GABRA2: variants seen among roughly 807,000 people sequenced by gnomAD.
The protein encoded by GABRA2 is gamma-aminobutyric acid type A receptor subunit alpha2.
Under a neutral mutation model 48.7 loss-of-function variants are expected in GABRA2, and 16 were observed. That is an observed-to-expected ratio of 0.33 (90% CI 0.22 to 0.50). The LOEUF is 0.50. GABRA2 is among the 20% of genes least tolerant of loss of function. The probability of loss-of-function intolerance (pLI) is 0.98; values close to 1 mark genes in which losing one functional copy is unlikely to be tolerated. For missense variants in GABRA2, 275 were observed against 535.6 expected (o/e 0.51, Z 4.80); for synonymous variants, 185 against 184.5 (o/e 1.00, Z -0.02).
intron 3 of GABRA2, among the ~76,000 whole-genome samples, chr4:46,377,875 G>A (rs1182540589): frequency 6.8e-5 from 10 of 148,096 alleles, no homozygotes; most frequent in South Asian, 6.5e-4. Flanking sequence ...TCAGCCCCCC[G>A]CCCAGCTAGC....
At position 46,247,767 on chromosome 4, in the gene GABRA2, A is replaced by T. The variant is rs570715692; in HGVS notation, c.*2541T>A. On this transcript the variant is annotated 3_prime_UTR_variant, in exon 10 of 10. Coordinates refer to ENST00000381620, the MANE Select transcript of GABRA2 (RefSeq NM_000807.4). ...ATGGAAAGGATTATAATTGTTACGAATCTTGTTCTATAATTTAAAAGCAAT... is the reference window on the plus strand; with the variant it reads ...ATGGAAAGGATTATAATTGTTACGATTCTTGTTCTATAATTTAAAAGCAAT... Among the ~76,000 whole-genome samples the T allele has an allele frequency of 5.9e-5, 9 of 151,426 alleles. No homozygotes were observed. The South Asian group carries it at 1.9e-3, about 31-fold the overall frequency.
Position 46,390,089 on chromosome 4 carries a change from G to A in GABRA2, c.-365C>T. The A allele has an allele frequency of 1.0e-6, 1 of 960,636 alleles. No individual in the cohort carries two copies. 59.5% of individuals were successfully genotyped at this position (960,636 alleles called of 1,614,324 possible). A position where few individuals can be genotyped will look rare whatever the true frequency, so the allele number is the denominator to read the frequency against. ...AAATTGGGGGGACGCGGGCGGAGGCGCGGTGCGCGCCGGCGGTGGCGGGCA... is the reference window on the plus strand; with the variant it reads ...AAATTGGGGGGACGCGGGCGGAGGCACGGTGCGCGCCGGCGGTGGCGGGCA... On this transcript the variant is annotated 5_prime_UTR_variant, in exon 1 of 10. Transcript: ENST00000381620.
chr4:46,321,044 C>T (rs1352415372), intron 4 of GABRA2, among the ~76,000 whole-genome samples: 5 of 151,790 alleles, frequency 3.3e-5, no homozygotes, highest in Admixed American at 2.0e-4. Context: ...TTCTATTCAG[C>T]CTTAGAAAAG....
At chr4:46,262,797 C>A (rs1009173801) in intron 8 of GABRA2, among the ~76,000 whole-genome samples, 3 of 151,798 alleles carry the variant, frequency 2.0e-5, no homozygotes, top group Non-Finnish European at 2.9e-5. Context: ...ACTTGGGAGG[C>A]TGAGGCAGGG....
intron 3 of GABRA2, among the ~76,000 whole-genome samples, chr4:46,362,263 T>A (rs1190090958): frequency 6.6e-6 from 1 of 152,142 alleles, no homozygotes; most frequent in Non-Finnish European, 1.5e-5. Context: ...TGAATAAGTC[T>A]CATGAGATCT....
chr4:46,338,833 T>C (rs1429341099), intron 3 of GABRA2, among the ~76,000 whole-genome samples: 1 of 151,914 alleles, frequency 6.6e-6, no homozygotes, highest in Non-Finnish European at 1.5e-5. Flanking sequence ...ACTATTTTCT[T>C]GGAGTTTGAG....
chr4:46,299,675 CTTTT>C (rs200453930), intron 8 of GABRA2, among the ~76,000 whole-genome samples: 2,443 of 139,420 alleles, frequency 0.018, 61 homozygotes, highest in African/African-American at 0.057. Flanking sequence ...GGGTTTCTTT[CTTTT>C]TTTTTTTTTT....
intron 4 of GABRA2, among the ~76,000 whole-genome samples, chr4:46,320,994 T>A (rs892783515): frequency 6.6e-6 from 1 of 151,954 alleles, no homozygotes; most frequent in Non-Finnish European, 1.5e-5. Flanking sequence ...CGTCAATGCA[T>A]GAATAAATTA....
intron 3 of GABRA2, chr4:46,365,181 C>T (rs1202485147): frequency 6.6e-6 from 1 of 152,118 alleles, no homozygotes; most frequent in Non-Finnish European, 1.5e-5. Flanking sequence ...CAGGTTTTCT[C>T]AGAAACACCT....
intron 4 of GABRA2, among the ~76,000 whole-genome samples, chr4:46,315,721 T>C (rs1297298716): frequency 1.3e-5 from 2 of 152,024 alleles, no homozygotes; most frequent in Non-Finnish European, 2.9e-5. Flanking sequence ...TCATTTGTGT[T>C]CTATTTTCTT....
At position 46,246,542 on chromosome 4, in the gene GABRA2, G is replaced by C. The variant is rs1201714327; in HGVS notation, c.*3766C>G. Among the ~76,000 whole-genome samples, 1 of 150,972 alleles carries C rather than the reference G, an allele frequency of 6.6e-6. No individual in the cohort carries two copies. Among genetic ancestry groups the C allele is most frequent in the Non-Finnish European group, 1.5e-5 (1 of 67,360 alleles). ...AAAGGGAAGCACGAGGTGCCTATGG[G>C]ACCTCAATTAAAAGGAAAATGAATG... On this transcript the variant is annotated 3_prime_UTR_variant, in exon 10 of 10. Coordinates refer to ENST00000381620, the MANE Select transcript of GABRA2 (RefSeq NM_000807.4).
At chr4:46,272,197 A>G (rs1719468864) in intron 8 of GABRA2, among the ~76,000 whole-genome samples, 1 of 151,820 alleles carries the variant, frequency 6.6e-6, no homozygotes, top group Admixed American at 6.6e-5. Flanking sequence ...CACATCTTTG[A>G]TATATTGTCT....
intron 3 of GABRA2, among the ~76,000 whole-genome samples, chr4:46,342,937 A>G (rs1733529423): frequency 2.6e-5 from 4 of 152,032 alleles, no homozygotes; most frequent in African/African-American, 9.7e-5. Flanking sequence ...TGCTGAGATT[A>G]CAGGTATAAG....
chr4:46,312,472 A>T, intron 5 of GABRA2, 24 bp downstream of exon 5: 1 of 1,496,076 alleles, frequency 6.7e-7, no homozygotes, highest in Non-Finnish European at 9.3e-7. Context: ...ATATAAATAC[A>T]TCACATCAAA....
At chr4:46,279,174 T>C (rs1184668520) in intron 8 of GABRA2, among the ~76,000 whole-genome samples, 2 of 152,062 alleles carry the variant, frequency 1.3e-5, no homozygotes, top group African/African-American at 4.8e-5. Context: ...CTGTCCGATA[T>C]CTATTAAAAC....
At chr4:46,388,227 GAAAAGA>G (rs1717741591) in intron 2 of GABRA2, among the ~76,000 whole-genome samples, 1 of 151,264 alleles carries the variant, frequency 6.6e-6, no homozygotes, top group South Asian at 2.1e-4. Context: ...ATTAAAAAAA[GAAAAGA>G]AAAAGGAAAA....
At chr4:46,358,884 T>A (rs1712666037) in intron 3 of GABRA2, among the ~76,000 whole-genome samples, 1 of 152,204 alleles carries the variant, frequency 6.6e-6, no homozygotes. Context: ...GATCAAGCCA[T>A]TCATCTCAGC....
chr4:46,365,466 T>TTCAC (rs1305161744), intron 3 of GABRA2: 1 of 152,136 alleles, frequency 6.6e-6, no homozygotes, highest in Non-Finnish European at 1.5e-5. Flanking sequence ...TTCTCTCATT[T>TTCAC]TCACTCATTA....
At chr4:46,373,242 C>G (rs189117151) in intron 3 of GABRA2, among the ~76,000 whole-genome samples, 29 of 152,262 alleles carry the variant, frequency 1.9e-4, no homozygotes, top group Admixed American at 1.5e-3. Context: ...CTTTTCATCA[C>G]CCCTATATTT....
Sources: gnomAD v4.1 joint callset for allele counts (sites outside exome capture counted in the v4.1 genomes callset) on GRCh38, gnomAD v4.1.1 for gene constraint, MANE v1.5 for transcripts, NCBI Gene and HGNC (gene_info 2026-07-23, HGNC 2026-07-21) for gene names.